The following SHE variants were observed in gnomAD, a reference collection of about 807,000 sequenced individuals.
SHE encodes the protein Src homology 2 domain containing E, also known as SH2 domain-containing adapter protein E.
Under a neutral mutation model 49.8 loss-of-function variants are expected in SHE, and 11 were observed. The observed-to-expected ratio is 0.22, with a 90% CI of 0.14 to 0.37. The LOEUF is 0.37. SHE is among the 10% of genes least tolerant of loss of function. The pLI, the probability that SHE is intolerant of heterozygous loss-of-function variation, is 1.00. For synonymous variants in SHE, 310 were observed against 278.1 expected, an observed-to-expected ratio of 1.11 and a Z score of -1.14; for missense variants, 624 against 655.5, an observed-to-expected ratio of 0.95 and a Z score of 0.52.
At chr1:154,489,433 G>C (rs1692297359) in intron 2 of SHE, 77 bp from the exon 3 acceptor site, 2 of 1,523,846 alleles carry the variant, frequency 1.3e-6, no homozygotes, top group Non-Finnish European at 1.8e-6. Flanking sequence ...TAAAAGCCTG[G>C]TCATTAACCC....
intron 1 of SHE, 116 bp from the exon 2 acceptor site, chr1:154,499,354 C>T: frequency 8.3e-7 from 1 of 1,200,564 alleles, no homozygotes. Context: ...ATCTCTATAA[C>T]CAGTTCCAGA....
chr1:154,486,516 AG>A lies in SHE; in HGVS notation c.1181+10del. 6.2e-7 allele frequency: 1 copy of A among 1,613,722 alleles called. No individual in the cohort carries two copies. The highest frequency in any genetic ancestry group is 1.3e-5 in the African/African-American group (1 of 75,046). On this transcript the variant is annotated intron_variant, in intron 4 of 5. Transcript: ENST00000304760. ...TGTTGTCTGTTACAAGGATCTGAGG[AG>A]GAGACTCACGGCTGCTTCTCCAGGG...
rs530722038 is a variant in SHE at position 154,498,573 on chromosome 1, T to C, written c.718+539A>G. Among the ~76,000 whole-genome samples, 8 of 151,980 alleles carry C rather than the reference T, an allele frequency of 5.3e-5. 1 individual carries two copies. In the Middle Eastern group the frequency reaches 0.014, roughly 258 times the overall value. ...CCACCACACCCGGCTAATTTTTGTATTTTTAGTAGAGATGGGGTTTCACTA... is the reference window on the plus strand; with the variant it reads ...CCACCACACCCGGCTAATTTTTGTACTTTTAGTAGAGATGGGGTTTCACTA... On this transcript the variant is annotated intron_variant, in intron 2 of 5. Transcript: ENST00000304760.
intron 2 of SHE, 124 bp from the exon 3 acceptor site, chr1:154,489,480 G>T: frequency 8.3e-7 from 1 of 1,200,988 alleles, no homozygotes; most frequent in Non-Finnish European, 1.2e-6. Flanking sequence ...GGGTGAAGGT[G>T]GCAGATAACT....
chr1:154,477,151 A>T (rs114391268), downstream of SHE, among the ~76,000 whole-genome samples: 534 of 152,358 alleles, frequency 3.5e-3, 1 homozygote, highest in Non-Finnish European at 4.7e-3. Flanking sequence ...CAGACCCAGC[A>T]GAGGATTGTC....
Position 154,489,091 on chromosome 1 carries a change from T to G in SHE, c.984A>C (p.Pro328=). 1 of 1,608,802 alleles carries G rather than the reference T, an allele frequency of 6.2e-7. No homozygotes were observed. The highest frequency in any genetic ancestry group is 2.2e-5 in the East Asian group (1 of 44,774). ...CGATCTGCTCCTTCTTCCACTCCCATGGCTGCTCGTACTCTGCCGCGGGCC... is the reference window on the plus strand; with the variant it reads ...CGATCTGCTCCTTCTTCCACTCCCAGGGCTGCTCGTACTCTGCCGCGGGCC... ...DERPAAEYEQ[P]WEWKKEQIVR... is the part of the protein sequence containing the mutation. Residue 328 remains proline (P), a synonymous_variant, in exon 3 of 6, where the codon CCA becomes CCC. Transcript: ENST00000304760.
chr1:154,486,043 T>C lies in SHE; in HGVS notation c.1201A>G (p.Ser401Gly). The C allele has an allele frequency of 6.2e-7, 1 of 1,613,532 alleles. No individual in the cohort carries two copies. Among genetic ancestry groups the C allele is most frequent in the Non-Finnish European group, 8.5e-7 (1 of 1,179,458 alleles). Residue 401 changes from serine (S) to glycine (G), a missense_variant, in exon 5 of 6, where the codon AGC becomes GGC. Ser to Gly is a moderately conservative substitution (Grantham distance 56, BLOSUM62 0). Transcript: ENST00000304760. ...AGTCGACTCTCAGCCTCAGCACGGC[T>C]GATGGCACCATGATACCAGCTGAAA... ...EKQPWYHGAI[S>G]RAEAESRLQP...
intron 2 of SHE, among the ~76,000 whole-genome samples, chr1:154,491,474 A>G (rs1358444734): frequency 6.6e-6 from 1 of 152,198 alleles, no homozygotes; most frequent in Non-Finnish European, 1.5e-5. Context: ...CTCTCCGGAG[A>G]AGGCTTTCCT....
Position 154,489,135 on chromosome 1 carries a change from G to T in SHE, c.940C>A (p.Leu314Met). Residue 314 changes from leucine to methionine, a missense_variant, in exon 3 of 6, where the codon CTG (leucine) becomes ATG (methionine). Physicochemically the swap from Leu to Met is conservative, Grantham distance 15. Coordinates refer to ENST00000304760, the MANE Select transcript of SHE (RefSeq NM_001010846.3). ...GCGGGCCTCTCGTCGTTCTCGGGCA[G>T]CCGGCTGTCTGGGGGCCGCGCCTTC... ...EGKARPPDSR[L>M]PENDERPAAE... The T allele has an allele frequency of 6.2e-7, 1 of 1,613,896 alleles. No individual in the cohort carries two copies. Among genetic ancestry groups the T allele is most frequent in the South Asian group, 1.1e-5 (1 of 91,080 alleles).
At chr1:154,470,610 T>G (rs1367552553) in intron 1 of SHE, among the ~76,000 whole-genome samples, 2 of 151,886 alleles carry the variant, frequency 1.3e-5, no homozygotes, top group Admixed American at 6.6e-5. Context: ...GAGGCTGAGG[T>G]GGGTGGATCA....
rs552663055 is a variant in SHE, at chr1:154,472,622, T to C, written c.103-2260A>G. Among the ~76,000 whole-genome samples, 3 of 152,336 alleles carry C rather than the reference T, an allele frequency of 2.0e-5. No homozygotes were observed. In the South Asian group the frequency reaches 6.2e-4, roughly 32 times the overall value. ...CAGAAGGAGGCCAGGTGCCAACCTTTGACCCGGGCAATCACAGTAGCATGA... is the reference window on the plus strand; with the variant it reads ...CAGAAGGAGGCCAGGTGCCAACCTTCGACCCGGGCAATCACAGTAGCATGA... On this transcript the variant is annotated intron_variant, in intron 1 of 1. Coordinates refer to the SHE transcript ENST00000486773.
intron 2 of SHE, among the ~76,000 whole-genome samples, chr1:154,494,153 T>C (rs770213145): frequency 6.6e-6 from 1 of 152,198 alleles, no homozygotes; most frequent in Non-Finnish European, 1.5e-5. Context: ...TGCCCGACAA[T>C]TTTTTACTCA....
At chr1:154,470,080 C>T (rs1691705959) in exon 2 of SHE, 2 of 338,010 alleles carry the variant, frequency 5.9e-6, no homozygotes, top group South Asian at 2.2e-5. Context: ...GGGCCCCCAC[C>T]TGGGCAGTCA....
Position 154,502,029 on chromosome 1 carries a change from C to G in SHE, c.-3G>C. On this transcript the variant is annotated 5_prime_UTR_variant, in exon 1 of 6. Coordinates refer to ENST00000304760, the MANE Select transcript of SHE (RefSeq NM_001010846.3). ...CCAGGGGTCGGGGACCACTGCATTC[C>G]CCGTGACTGGGGCGCTGGAGGCCGC... 7.6e-7 allele frequency: 1 copy of G among 1,324,022 alleles called. No homozygotes were observed. Among genetic ancestry groups the G allele is most frequent in the South Asian group, 2.1e-5 (1 of 46,696 alleles). 82.0% of individuals were successfully genotyped at this position (1,324,022 alleles called of 1,614,324 possible).
Position 154,480,100 on chromosome 1 carries a change from CTCTAGTCCACGT to C in SHE, c.*4037_*4048del. 1 of 985,498 alleles carries C rather than the reference CTCTAGTCCACGT, an allele frequency of 1.0e-6. No individual in the cohort carries two copies. Among genetic ancestry groups the C allele is most frequent in the Non-Finnish European group, 1.2e-6 (1 of 829,948 alleles). 61.0% of individuals were successfully genotyped at this position (985,498 alleles called of 1,614,324 possible). ...GCCCACTGCACAGCAGGCCAAGTTT[CTCTAGTCCACGT>C]TAGTGGGGCACAAAAATTGGAAATG... On this transcript the variant is annotated 3_prime_UTR_variant, in exon 6 of 6. Transcript: ENST00000304760.
chr1:154,471,733 T>C (rs7526293), intron 1 of SHE, among the ~76,000 whole-genome samples: 110,857 of 151,928 alleles, frequency 0.73, 41,225 homozygotes, highest in East Asian at 0.83. Context: ...ATTCACACTA[T>C]AGGTGTATGC....
chr1:154,474,785 AGCCACCAC>A (rs1210987158), downstream of SHE, among the ~76,000 whole-genome samples: 2 of 152,184 alleles, frequency 1.3e-5, no homozygotes, highest in Admixed American at 6.5e-5. Context: ...TACAGGCGTG[AGCCACCAC>A]GCCCAGCCAA....
chr1:154,500,334 G>C (rs1265029360), intron 1 of SHE, among the ~76,000 whole-genome samples: 1 of 152,204 alleles, frequency 6.6e-6, no homozygotes, highest in Non-Finnish European at 1.5e-5. Context: ...AATAACATAT[G>C]AGCTGGGTCC....
At position 154,499,164 on chromosome 1, in the gene SHE, G is replaced by A. The variant is rs530873306; in HGVS notation, c.666C>T (p.Val222=). 14 of 1,614,072 alleles carry A rather than the reference G, an allele frequency of 8.7e-6. No individual in the cohort carries two copies. Among genetic ancestry groups the A allele is most frequent in the Non-Finnish European group, 9.3e-6 (11 of 1,180,006 alleles). ...RTKGQRDAER[V]GENDGYMEPY... ...GTTCCATGTAACCGTCGTTCTCTCC[G>A]ACTCTCTCTGCATCCCTTTGACCCT... Residue 222 remains valine (V), a synonymous_variant, in exon 2 of 6, where the codon GTC becomes GTT. Transcript: ENST00000304760.
Sources: gnomAD v4.1 joint callset for allele counts (sites outside exome capture counted in the v4.1 genomes callset) on GRCh38, gnomAD v4.1.1 for gene constraint, MANE v1.5 for transcripts, NCBI Gene and HGNC (gene_info 2026-07-23, HGNC 2026-07-21) for gene names.